Variants in CAMK2G observed in about 807,000 individuals in gnomAD.
CAMK2G encodes the protein calcium/calmodulin-dependent protein kinase type II subunit gamma.
A neutral mutation model predicts 88.7 loss-of-function variants in CAMK2G; 23 were observed. The observed-to-expected ratio is 0.26, with a 90% CI of 0.19 to 0.37. The LOEUF is 0.37. Ranked by LOEUF, CAMK2G falls within the 10% of genes least tolerant of loss-of-function variation. The probability of loss-of-function intolerance (pLI) is 1.00; values close to 1 mark genes in which losing one functional copy is unlikely to be tolerated. For synonymous variants in CAMK2G, 263 were observed against 294.8 expected (o/e 0.89, Z 1.11); for missense variants, 476 against 780.8 (o/e 0.61, Z 4.65).
intron 10 of CAMK2G, among the ~76,000 whole-genome samples, chr10:73,845,576 C>CAA (rs987303671): frequency 8.0e-5 from 8 of 100,290 alleles, no homozygotes; most frequent in South Asian, 3.0e-4. Flanking sequence ...GACTCCATCT[C>CAA]AAAAAAAAAA....
chr10:73,841,962 AAC>A, intron 12 of CAMK2G: 2 of 592,808 alleles, frequency 3.4e-6, no homozygotes, highest in East Asian at 2.8e-5. Context: ...AGTTCTAGGA[AAC>A]AATTCACAAA....
At chr10:73,817,844 T>C (rs1471940379) in intron 19 of CAMK2G, 3 of 488,380 alleles carry the variant, frequency 6.1e-6, no homozygotes, top group Non-Finnish European at 1.1e-5. Context: ...ACGCTTGCCT[T>C]TAACAGGTGA....
intron 5 of CAMK2G, among the ~76,000 whole-genome samples, chr10:73,849,983 A>G (rs1187454636): frequency 6.6e-6 from 1 of 152,122 alleles, no homozygotes; most frequent in Admixed American, 6.5e-5. Context: ...GTAGAGAAAA[A>G]AACCCAAAGT....
intron 1 of CAMK2G, among the ~76,000 whole-genome samples, chr10:73,874,184 G>A (rs1049909434): frequency 2.7e-5 from 4 of 149,358 alleles, no homozygotes; most frequent in Non-Finnish European, 6.0e-5. Flanking sequence ...GGCGCGTGGG[G>A]AGCAGCGGCC....
chr10:73,829,660 AAAG>A (rs951512481), intron 14 of CAMK2G, among the ~76,000 whole-genome samples: 4 of 143,586 alleles, frequency 2.8e-5, no homozygotes, highest in African/African-American at 7.9e-5. Context: ...CATCCCTCAA[AAAG>A]AAGGAGTTCC....
At chr10:73,828,477 A>G (rs959397486) in intron 14 of CAMK2G, among the ~76,000 whole-genome samples, 4 of 152,230 alleles carry the variant, frequency 2.6e-5, no homozygotes, top group Non-Finnish European at 4.4e-5. Flanking sequence ...TCATAGGGTT[A>G]GCTCACCCTG....
In CAMK2G at chr10:73,812,692, G is replaced by T. The variant is rs1403261876; in HGVS notation, c.*1826C>A. On this transcript the variant is annotated 3_prime_UTR_variant, in exon 23 of 23. Coordinates refer to ENST00000423381, the MANE Select transcript of CAMK2G (RefSeq NM_001367534.1). ...ATTTTTTAATAGTCTATTGTCTATA[G>T]ATGCTGACATTAGCCCCAGAAGAGG... 6.6e-6 allele frequency: 1 copy of T among 152,644 alleles called. No individual in the cohort carries two copies. Among genetic ancestry groups the T allele is most frequent in the East Asian group, 1.9e-4 (1 of 5,204 alleles). 9.5% of individuals were successfully genotyped at this position (152,644 alleles called of 1,614,324 possible). A position where few individuals can be genotyped will look rare whatever the true frequency, so the allele number is the denominator to read the frequency against.
At position 73,852,330 on chromosome 10, in the gene CAMK2G, C is replaced by T. The variant is rs754796678; in HGVS notation, c.276-11G>A. ...TCCCCGCCGGTAACACTGCAACCAA[C>T]GGGAAGAAGAGGGTCAGAGGCAGAA... On this transcript the variant is annotated splice_polypyrimidine_tract_variant and intron_variant, in intron 4 of 22. Transcript: ENST00000423381. 8.7e-6 allele frequency: 14 copies of T among 1,613,068 alleles called. No individual in the cohort carries two copies. The highest frequency in any genetic ancestry group is 5.5e-5 in the South Asian group (5 of 91,066).
chr10:73,819,470 CCT>C, intron 19 of CAMK2G, 60 bp downstream of exon 19: 1 of 1,194,024 alleles, frequency 8.4e-7, no homozygotes, highest in Non-Finnish European at 1.2e-6. Context: ...GGTGGGGGTC[CCT>C]GAGGGGCTTC....
At position 73,848,698 on chromosome 10, in the gene CAMK2G, T is replaced by C; in HGVS notation, c.518-89A>G. ...GCCATTTCCCCCAAGTCCCATCTTA[T>C]TCCTGCTGCTTTTGCTACATAAACT... is the stretch of plus-strand genomic sequence containing the variant. On this transcript the variant is annotated intron_variant, in intron 7 of 22. Coordinates refer to ENST00000423381, the MANE Select transcript of CAMK2G (RefSeq NM_001367534.1). The surrounding 1 kb of genome is among the most constrained non-coding windows in gnomAD (Gnocchi z 4.5). 6.6e-6 allele frequency: 5 copies of C among 752,610 alleles called. No individual in the cohort carries two copies. The South Asian group carries it at 6.8e-5, about 10-fold the overall frequency. The allele number at this position is 752,610 out of a possible 1,614,324, so 46.6% of individuals were successfully genotyped here. A position where few individuals can be genotyped will look rare whatever the true frequency, so the allele number is the denominator to read the frequency against.
chr10:73,853,241 G>A lies in CAMK2G; in HGVS notation c.226C>T (p.Leu76Phe). Residue 76 changes from leucine to phenylalanine, a missense_variant, in exon 4 of 23, where the codon CTC (leucine) becomes TTC (phenylalanine). Physicochemically the swap from Leu to Phe is conservative, Grantham distance 22. Transcript: ENST00000423381. ...CCTTCTTCAGAAATACTGTCATGGA[G>A]GCGCACTGCAAGAGAGGAGATGGGG... Reference protein sequence around the residue: ...RLLKHPNIVRLHDSISEEGFH... With the variant: ...RLLKHPNIVRFHDSISEEGFH... 6.2e-7 allele frequency: 1 copy of A among 1,613,926 alleles called. No homozygotes were observed. Among genetic ancestry groups the A allele is most frequent in the Non-Finnish European group, 8.5e-7 (1 of 1,179,754 alleles).
intron 2 of CAMK2G, among the ~76,000 whole-genome samples, chr10:73,863,544 C>T (rs934236018): frequency 2.0e-5 from 3 of 152,244 alleles, no homozygotes; most frequent in Non-Finnish European, 2.9e-5. Context: ...AACCTCACCA[C>T]CCTCCAGCCC....
chr10:73,815,375 C>T (rs1336754236), intron 21 of CAMK2G, 128 bp from the exon 22 acceptor site: 9 of 657,836 alleles, frequency 1.4e-5, no homozygotes, highest in Non-Finnish European at 2.1e-5. Flanking sequence ...TACCGCCCCC[C>T]CCCACCCCCG....
intron 5 of CAMK2G, among the ~76,000 whole-genome samples, chr10:73,850,653 T>C (rs1239879701): frequency 1.3e-5 from 2 of 152,232 alleles, no homozygotes; most frequent in Non-Finnish European, 2.9e-5. Context: ...TCAGGCACTA[T>C]CTGGTATATT....
At chr10:73,828,066 A>T in intron 15 of CAMK2G, 23 bp downstream of exon 15, 1 of 1,608,752 alleles carries the variant, frequency 6.2e-7, no homozygotes, top group South Asian at 1.1e-5. Context: ...GGAGTGGGCG[A>T]TGGGTGGGCA....
rs2085840257 is a variant in CAMK2G, at chr10:73,817,029, C to T, written c.1528G>A (p.Glu510Lys). 2 of 1,613,902 alleles carry T rather than the reference C, an allele frequency of 1.2e-6. No homozygotes were observed. ...EGMDFHKFYF[E>K]NLLSKNSKPI... ...GCAGCACGAACCCACTCACGATTCT[C>T]AAAGTAAAACTTATGGAAATCCATC... The change falls in exon 21 of 23, where the codon GAG (glutamate) becomes AAG (lysine). Residue 510 changes from glutamate (E) to lysine (K), a missense_variant. By Grantham distance (56) the Glu-to-Lys change is moderately conservative (BLOSUM62 1). Coordinates refer to ENST00000423381, the MANE Select transcript of CAMK2G (RefSeq NM_001367534.1).
At chr10:73,832,165 C>G (rs1040657199) in intron 14 of CAMK2G, among the ~76,000 whole-genome samples, 1 of 152,084 alleles carries the variant, frequency 6.6e-6, no homozygotes, top group Non-Finnish European at 1.5e-5. Flanking sequence ...AAAAGTTTCT[C>G]AAATTCCCAT....
intron 21 of CAMK2G, chr10:73,816,441 GA>G: frequency 9.2e-7 from 1 of 1,084,484 alleles, no homozygotes; most frequent in Non-Finnish European, 1.1e-6. Flanking sequence ...ATCCGTCTTG[GA>G]AAGAGGTGAG....
chr10:73,837,406 G>T (rs902264191), intron 14 of CAMK2G, 62 bp downstream of exon 14: 1 of 1,339,618 alleles, frequency 7.5e-7, no homozygotes. Context: ...CAGGTGCCAA[G>T]AATTCCCATA....
Sources: allele counts gnomAD v4.1 joint callset (sites outside exome capture counted in the v4.1 genomes callset), GRCh38; gene constraint gnomAD v4.1.1; non-coding constraint Gnocchi (gnomAD v3.1); transcripts MANE v1.5; gene names NCBI Gene and HGNC (gene_info 2026-07-23, HGNC 2026-07-21).